WDR41: variants seen among roughly 807,000 people sequenced by gnomAD.
The protein encoded by WDR41 is WD repeat-containing protein 41.
In WDR41, 63 loss-of-function variants were observed where a neutral mutation model predicts 69.3. The observed-to-expected ratio is 0.91, with a 90% confidence interval of 0.74 to 1.12. The LOEUF (loss-of-function observed/expected upper bound fraction) is 1.12, where lower values mean the gene tolerates loss of function less well. WDR41 is among the 50% of genes most tolerant of loss of function. The pLI, the probability that WDR41 is intolerant of heterozygous loss-of-function variation, is 0.00. For missense variants in WDR41, 543 were observed against 534.5 expected, an observed-to-expected ratio of 1.02 and a Z score of -0.16; for synonymous variants, 185 against 192.1, an observed-to-expected ratio of 0.96 and a Z score of 0.31.
intron 1 of WDR41, chr5:77,545,605 C>A: frequency 2.9e-6 from 1 of 347,660 alleles, no homozygotes; most frequent in Non-Finnish European, 5.3e-6. Flanking sequence ...GATGAAATCC[C>A]TGGAGATCTA....
intron 8 of WDR41, among the ~76,000 whole-genome samples, chr5:77,443,228 C>T (rs1055238703): frequency 6.6e-6 from 1 of 152,072 alleles, no homozygotes; most frequent in Non-Finnish European, 1.5e-5. Flanking sequence ...ATTATCTTTG[C>T]GCCCCTGGTA....
intron 1 of WDR41, among the ~76,000 whole-genome samples, chr5:77,608,276 T>A (rs1279196800): frequency 6.6e-5 from 10 of 152,206 alleles, no homozygotes; most frequent in African/African-American, 2.2e-4. Flanking sequence ...CCGAATAATA[T>A]TCCATTGTAA....
intron 1 of WDR41, among the ~76,000 whole-genome samples, chr5:77,550,883 C>T (rs986455333): frequency 6.6e-6 from 1 of 152,090 alleles, no homozygotes; most frequent in African/African-American, 2.4e-5. Flanking sequence ...TACATGTATA[C>T]CATGGAATAC....
intron 1 of WDR41, chr5:77,491,842 A>G: frequency 5.5e-6 from 2 of 362,974 alleles, no homozygotes; most frequent in Non-Finnish European, 9.9e-6. Context: ...TAGTTTCGGT[A>G]GCCAGAAGCC....
At chr5:77,443,145 T>C (rs441102) in intron 8 of WDR41, among the ~76,000 whole-genome samples, 135,392 of 152,002 alleles carry the variant, frequency 0.89, 60,664 homozygotes, top group East Asian at 0.99. Context: ...TCTTGGATTC[T>C]TCATGCATTA....
intron 10 of WDR41, 24 bp from the exon 11 acceptor site, chr5:77,437,448 T>TA (rs1324341829): frequency 6.2e-7 from 1 of 1,601,956 alleles, no homozygotes; most frequent in Non-Finnish European, 8.5e-7. Flanking sequence ...AAATCAGTAA[T>TA]ACAAAAAGAG....
At position 77,437,319 on chromosome 5, in the gene WDR41, T is replaced by C. The variant is rs752968228; in HGVS notation, c.1093+17A>G. 9.9e-6 allele frequency: 16 copies of C among 1,610,736 alleles called. No homozygotes were observed. The highest frequency in any genetic ancestry group is 8.5e-7 in the Non-Finnish European group (1 of 1,177,648). ...AAAGGAGAGAAAAAGACTACCTTTT[T>C]GAGAGAAGACACACACCTGTTGGTA... On this transcript the variant is annotated intron_variant, in intron 11 of 12. Transcript: ENST00000296679.
chr5:77,505,982 G>A (rs1802098593), intron 1 of WDR41, among the ~76,000 whole-genome samples: 1 of 152,126 alleles, frequency 6.6e-6, no homozygotes, highest in South Asian at 2.1e-4. Context: ...CATGGGCAAG[G>A]ACTTCATGTC....
At chr5:77,508,731 CT>C (rs552064984) in intron 1 of WDR41, among the ~76,000 whole-genome samples, 5 of 152,030 alleles carry the variant, frequency 3.3e-5, no homozygotes, top group Non-Finnish European at 5.9e-5. Flanking sequence ...TTCTCTGGAG[CT>C]TGTTTTTGTT....
chr5:77,516,405 C>T lies in WDR41; in HGVS notation c.43-26833G>A, dbSNP rs566860652. Among the ~76,000 whole-genome samples the T allele has an allele frequency of 1.9e-4, 29 of 152,108 alleles. 1 individual carries two copies. The South Asian group carries it at 4.8e-3, about 25-fold the overall frequency. On this transcript the variant is annotated intron_variant, in intron 1 of 5. Transcript: ENST00000509971. ...TTAATTTTAAAACATATACTTTTTC[C>T]GTAACTAATCAATAAATGAATCTGC... is the stretch of plus-strand genomic sequence containing the variant.
At chr5:77,445,451 C>T (rs1033233593) in intron 8 of WDR41, among the ~76,000 whole-genome samples, 49 of 152,240 alleles carry the variant, frequency 3.2e-4, no homozygotes, top group Non-Finnish European at 1.9e-4. Flanking sequence ...GACACCAAAA[C>T]CAGGAAGAGA....
At chr5:77,564,787 G>C (rs1249812845) in intron 1 of WDR41, among the ~76,000 whole-genome samples, 5 of 152,010 alleles carry the variant, frequency 3.3e-5, no homozygotes, top group African/African-American at 1.2e-4. Context: ...CCACCCACCT[G>C]CAGAATATGC....
At chr5:77,442,894 CAAA>C (rs60442242) in intron 8 of WDR41, among the ~76,000 whole-genome samples, 4 of 56,256 alleles carry the variant, frequency 7.1e-5, no homozygotes, top group Middle Eastern at 0.019. Context: ...TCTGTCTCCC[CAAA>C]AAAAAAAAAA....
intron 2 of WDR41, among the ~76,000 whole-genome samples, chr5:77,470,648 A>T (rs1488131877): frequency 6.6e-6 from 1 of 152,200 alleles, no homozygotes; most frequent in African/African-American, 2.4e-5. Flanking sequence ...GATAAAACAG[A>T]CTTTAAACCA....
chr5:77,582,485 T>C (rs1743957260), intron 1 of WDR41: 3 of 1,601,388 alleles, frequency 1.9e-6, no homozygotes, highest in Non-Finnish European at 2.5e-6. Flanking sequence ...AGAAAGAAGT[T>C]TGCCCAAAAG....
At chr5:77,532,901 T>TG (rs1561216565) in intron 1 of WDR41, among the ~76,000 whole-genome samples, 2 of 152,042 alleles carry the variant, frequency 1.3e-5, no homozygotes, top group Non-Finnish European at 2.9e-5. Context: ...GCCTTTCATG[T>TG]GGGGGATGCT....
chr5:77,527,493 A>T (rs1040519125), intron 1 of WDR41, among the ~76,000 whole-genome samples: 1 of 151,942 alleles, frequency 6.6e-6, no homozygotes, highest in Non-Finnish European at 1.5e-5. Flanking sequence ...AAATATATAA[A>T]GCAAATGTTA....
chr5:77,508,805 C>A (rs183179162), intron 1 of WDR41, among the ~76,000 whole-genome samples: 140 of 104,260 alleles, frequency 1.3e-3, no homozygotes, highest in African/African-American at 6.7e-3. Flanking sequence ...TCTCTCCCCC[C>A]ACAGCGTGAA....
chr5:77,584,327 T>C lies in WDR41; in HGVS notation c.42+36152A>G, dbSNP rs562650772. Among the ~76,000 whole-genome samples, 226 of 152,306 alleles carry C rather than the reference T, an allele frequency of 1.5e-3. 2 individuals are homozygous for C. The highest frequency in any genetic ancestry group is 5.3e-3 in the African/African-American group (221 of 41,580). On this transcript the variant is annotated intron_variant, in intron 1 of 5. Transcript: ENST00000509971. ...TTTATTAGCAGATGATATAACCTTG[T>C]ATGTAGGAAATCCTAAGGGATACAC... is the stretch of plus-strand genomic sequence containing the variant.
Sources: gnomAD v4.1 joint callset for allele counts (sites outside exome capture counted in the v4.1 genomes callset) on GRCh38, gnomAD v4.1.1 for gene constraint, MANE v1.5 for transcripts, NCBI Gene and HGNC (gene_info 2026-07-23, HGNC 2026-07-21) for gene names.